Variants in KCNH7 observed in about 807,000 individuals in gnomAD.
The protein encoded by KCNH7 is voltage-gated inwardly rectifying potassium channel KCNH7.
A neutral mutation model predicts 120.8 loss-of-function variants in KCNH7; 49 were observed. The observed-to-expected ratio is 0.41, with a 90% CI of 0.32 to 0.51. The LOEUF (loss-of-function observed/expected upper bound fraction) is 0.51. Among genes scored for constraint, KCNH7 ranks in the 20% least tolerant of loss-of-function variants. The pLI is 0.38. For synonymous variants in KCNH7, 547 were observed against 516.1 expected, an observed-to-expected ratio of 1.06 and a Z score of -0.81; for missense variants, 1,097 against 1,446.6, an observed-to-expected ratio of 0.76 and a Z score of 3.92.
At chr2:162,522,725 A>T (rs947963056) in intron 3 of KCNH7, among the ~76,000 whole-genome samples, 1 of 151,908 alleles carries the variant, frequency 6.6e-6, no homozygotes, top group East Asian at 1.9e-4. Flanking sequence ...AGTTTTGCAC[A>T]TACTTTTACA....
chr2:162,752,609 A>G (rs1041382250), intron 2 of KCNH7, among the ~76,000 whole-genome samples: 2 of 152,006 alleles, frequency 1.3e-5, no homozygotes, highest in Non-Finnish European at 2.9e-5. Flanking sequence ...CAGAAGATTA[A>G]GAACCCCTGC....
chr2:162,767,065 A>T (rs1267618137), intron 2 of KCNH7, among the ~76,000 whole-genome samples: 1 of 152,084 alleles, frequency 6.6e-6, no homozygotes, highest in Non-Finnish European at 1.5e-5. Flanking sequence ...TCAATCTCTC[A>T]CTCATAATGG....
chr2:162,435,596 G>C lies in KCNH7; in HGVS notation c.1556C>G (p.Thr519Arg). ...LLIFGSGSDE[T>R]TTLIGLLKTA... ...CTTCAAAAGACCAATTAATGTTGTT[G>C]TCTGTAGAAATAAATGTACACAGTC... Residue 519 changes from threonine to arginine, a missense_variant and splice_region_variant, in exon 8 of 16, where the codon ACA becomes AGA. Physicochemically the swap from Thr to Arg is moderately conservative, Grantham distance 71. Coordinates refer to ENST00000332142, the MANE Select transcript of KCNH7 (RefSeq NM_033272.4). 2 of 1,579,318 alleles carry C rather than the reference G, an allele frequency of 1.3e-6. No homozygotes were observed. Among genetic ancestry groups the C allele is most frequent in the Non-Finnish European group, 8.6e-7 (1 of 1,162,230 alleles).
intron 2 of KCNH7, among the ~76,000 whole-genome samples, chr2:162,804,352 G>C (rs1027286283): frequency 6.6e-6 from 1 of 151,806 alleles, no homozygotes; most frequent in Non-Finnish European, 1.5e-5. Context: ...AAGACTTCTA[G>C]ATTTGATAAA....
At chr2:162,498,570 C>A (rs1690575465) in intron 6 of KCNH7, among the ~76,000 whole-genome samples, 1 of 151,964 alleles carries the variant, frequency 6.6e-6, no homozygotes, top group Admixed American at 6.6e-5. Context: ...CTGCAATGGG[C>A]CACTGCTGTT....
intron 6 of KCNH7, among the ~76,000 whole-genome samples, chr2:162,478,648 T>G (rs1333796632): frequency 2.0e-5 from 3 of 152,258 alleles, no homozygotes; most frequent in Admixed American, 2.0e-4. Context: ...TCATCTGAAT[T>G]AATGCAAATT....
chr2:162,658,447 T>C (rs1167113792), intron 2 of KCNH7, among the ~76,000 whole-genome samples: 1 of 152,158 alleles, frequency 6.6e-6, no homozygotes, highest in African/African-American at 2.4e-5. Flanking sequence ...TTTTGTCTTC[T>C]CCTTTAATAT....
At chr2:162,539,798 G>A (rs1234535630) in intron 2 of KCNH7, among the ~76,000 whole-genome samples, 3 of 151,960 alleles carry the variant, frequency 2.0e-5, no homozygotes, top group Non-Finnish European at 4.4e-5. Flanking sequence ...TTCTCTTTTA[G>A]TTTGGGGATT....
chr2:162,766,152 C>T (rs985520527), intron 2 of KCNH7, among the ~76,000 whole-genome samples: 2 of 151,962 alleles, frequency 1.3e-5, no homozygotes, highest in East Asian at 1.9e-4. Context: ...TTCCTGTATA[C>T]TTCATTTTCT....
chr2:162,601,030 A>G (rs571767097), intron 2 of KCNH7, among the ~76,000 whole-genome samples: 1 of 152,210 alleles, frequency 6.6e-6, no homozygotes, highest in South Asian at 2.1e-4. Context: ...TTGCTCTAAG[A>G]TTCAATAAGA....
At chr2:162,513,302 CT>C (rs1388217703) in intron 4 of KCNH7, among the ~76,000 whole-genome samples, 1 of 142,266 alleles carries the variant, frequency 7.0e-6, no homozygotes, top group African/African-American at 2.5e-5. Flanking sequence ...TCCTTCCCTC[CT>C]TCCCTCCTTC....
At chr2:162,558,503 C>CTTTTTTTTTTT (rs71410015) in intron 2 of KCNH7, among the ~76,000 whole-genome samples, 2 of 80,696 alleles carry the variant, frequency 2.5e-5, no homozygotes, top group African/African-American at 4.9e-5. Flanking sequence ...TTCTCAATGG[C>CTTTTTTTTTTT]TTTTTTTTTT....
rs547332820 is a variant in KCNH7 at position 162,592,700 on chromosome 2, G to T, written c.308-55620C>A. On this transcript the variant is annotated intron_variant, in intron 2 of 15. Coordinates refer to ENST00000332142, the MANE Select transcript of KCNH7 (RefSeq NM_033272.4). ...TAGCACTACTTTATTCATATATCTG[G>T]GTTAGCATAATGATGTTAAAATAAA... Among the ~76,000 whole-genome samples, 4 of 151,972 alleles carry T rather than the reference G, an allele frequency of 2.6e-5. No homozygotes were observed. In the South Asian group the frequency reaches 8.3e-4, roughly 32 times the overall value.
intron 9 of KCNH7, among the ~76,000 whole-genome samples, chr2:162,413,598 A>G (rs565774143): frequency 1.3e-5 from 2 of 152,274 alleles, no homozygotes; most frequent in East Asian, 1.9e-4. Context: ...ATTCATGTGA[A>G]GGAAATCATT....
At chr2:162,805,961 T>C (rs1684525203) in intron 2 of KCNH7, among the ~76,000 whole-genome samples, 1 of 152,152 alleles carries the variant, frequency 6.6e-6, no homozygotes, top group Admixed American at 6.5e-5. Context: ...AGGCCATTAC[T>C]CTACGTGAAG....
chr2:162,776,331 C>T (rs1441618075), intron 2 of KCNH7, among the ~76,000 whole-genome samples: 1 of 152,106 alleles, frequency 6.6e-6, no homozygotes, highest in East Asian at 1.9e-4. Context: ...CCAATACAAA[C>T]GATCTGGGCC....
At position 162,384,870 on chromosome 2, in the gene KCNH7, A is replaced by G. The variant is rs1178115100; in HGVS notation, c.2780T>C (p.Phe927Ser). The G allele has an allele frequency of 9.9e-6, 16 of 1,612,424 alleles. No individual in the cohort carries two copies. The highest frequency in any genetic ancestry group is 4.0e-5 in the African/African-American group (3 of 74,826). ...IRHYQSSKRH[F>S]EEKKSRSSSF... is the part of the protein sequence containing the mutation. ...TGAGGATCTGCTTTTTTTCTCTTCAAAGTGTCTCTTGGAACTCTGATAATG... is the reference window on the plus strand; with the variant it reads ...TGAGGATCTGCTTTTTTTCTCTTCAGAGTGTCTCTTGGAACTCTGATAATG... The change falls in exon 13 of 16, where the codon TTT (phenylalanine) becomes TCT (serine). Residue 927 changes from phenylalanine to serine, a missense_variant. Coordinates refer to ENST00000332142, the MANE Select transcript of KCNH7 (RefSeq NM_033272.4).
chr2:162,708,084 T>G (rs1686783044), intron 2 of KCNH7, among the ~76,000 whole-genome samples: 1 of 152,126 alleles, frequency 6.6e-6, no homozygotes, highest in African/African-American at 2.4e-5. Flanking sequence ...ATTTAATAAA[T>G]TTATCTCCCT....
rs745345993 is a variant in KCNH7 at position 162,807,256 on chromosome 2, C to CAAAAAAAAAAAA, written c.307+29269_307+29280dup. 6.4e-3 allele frequency among the ~76,000 whole-genome samples: 100 copies of CAAAAAAAAAAAA among 15,578 alleles called. 1 individual carries two copies. The highest frequency in any genetic ancestry group is 0.018 in the East Asian group (12 of 662). 10.2% of individuals were successfully genotyped at this position (15,578 alleles called of 152,430 possible). A position where few individuals can be genotyped will look rare whatever the true frequency, so the allele number is the denominator to read the frequency against. On this transcript the variant is annotated intron_variant, in intron 2 of 15. Coordinates refer to ENST00000332142, the MANE Select transcript of KCNH7 (RefSeq NM_033272.4). ...TGAAAACCCATCTCCACTAAAAATA[C>CAAAAAAAAAAAA]AAAAAAAAAAAAAAAAAAAAAAAAA...
Sources: allele counts gnomAD v4.1 joint callset (sites outside exome capture counted in the v4.1 genomes callset), GRCh38; gene constraint gnomAD v4.1.1; transcripts MANE v1.5; gene names NCBI Gene and HGNC (gene_info 2026-07-23, HGNC 2026-07-21).